The following XKR4 variants were observed in gnomAD, a reference collection of about 807,000 sequenced individuals.
The protein encoded by XKR4 is XK related 4.
In XKR4, 12 loss-of-function variants were observed where a neutral mutation model predicts 53.9. That is an observed-to-expected ratio of 0.22 (90% CI 0.14 to 0.36). XKR4 has a LOEUF of 0.36. Among genes scored for constraint, XKR4 ranks in the 10% least tolerant of loss-of-function variants. XKR4 has a pLI of 1.00. For missense variants in XKR4, 799 were observed against 859.5 expected (o/e 0.93, Z 0.88); for synonymous variants, 354 against 362.4 (o/e 0.98, Z 0.26).
intron 1 of XKR4, among the ~76,000 whole-genome samples, chr8:55,328,235 A>G (rs1407145280): frequency 6.6e-6 from 1 of 152,274 alleles, no homozygotes; most frequent in East Asian, 1.9e-4. Flanking sequence ...GTCAAACCAT[A>G]TCACTATTGA....
intron 2 of XKR4, among the ~76,000 whole-genome samples, chr8:55,463,253 A>T (rs982294899): frequency 2.0e-5 from 3 of 152,244 alleles, no homozygotes; most frequent in African/African-American, 7.2e-5. Context: ...AATGTAAAAG[A>T]ACACAAATTA....
intron 1 of XKR4, among the ~76,000 whole-genome samples, chr8:55,104,736 T>C (rs1447374458): frequency 4.7e-4 from 22 of 47,164 alleles, no homozygotes; most frequent in Admixed American, 4.6e-3. Flanking sequence ...GTCAGACAAA[T>C]TGATGTTGGA....
chr8:55,506,451 G>A lies in XKR4; in HGVS notation c.1007-16830G>A, dbSNP rs531511622. On this transcript the variant is annotated intron_variant, in intron 2 of 2. Transcript: ENST00000327381. ...TGATCAGTCACTACCCCCAGCAGCAGCACTGACTTCATGTATGCCTTCCTT... is the reference window on the plus strand; with the variant it reads ...TGATCAGTCACTACCCCCAGCAGCAACACTGACTTCATGTATGCCTTCCTT... 5.3e-5 allele frequency among the ~76,000 whole-genome samples: 8 copies of A among 152,344 alleles called. No individual in the cohort carries two copies. In the South Asian group the frequency reaches 1.7e-3, roughly 32 times the overall value.
intron 1 of XKR4, among the ~76,000 whole-genome samples, chr8:55,276,417 G>A (rs1041477704): frequency 6.6e-6 from 1 of 152,156 alleles, no homozygotes; most frequent in African/African-American, 2.4e-5. Flanking sequence ...TCAAGTAGTC[G>A]CTGTCAATAC....
chr8:55,305,755 C>T (rs1196028190), intron 1 of XKR4, among the ~76,000 whole-genome samples: 1 of 152,060 alleles, frequency 6.6e-6, no homozygotes, highest in Non-Finnish European at 1.5e-5. Flanking sequence ...AGTTCTCATT[C>T]CCAACCCACC....
intron 1 of XKR4, among the ~76,000 whole-genome samples, chr8:55,182,396 A>AT (rs1817323400): frequency 6.6e-6 from 1 of 152,008 alleles, no homozygotes; most frequent in South Asian, 2.1e-4. Flanking sequence ...GATAATACAG[A>AT]TTTTTCTACT....
At chr8:55,324,991 G>C (rs1312808679) in intron 1 of XKR4, among the ~76,000 whole-genome samples, 6 of 149,060 alleles carry the variant, frequency 4.0e-5, no homozygotes. Flanking sequence ...AATTCATTCA[G>C]TAAGAATTAA....
At chr8:55,301,104 C>A (rs1307599361) in intron 1 of XKR4, among the ~76,000 whole-genome samples, 2 of 151,284 alleles carry the variant, frequency 1.3e-5, no homozygotes, top group African/African-American at 4.9e-5. Flanking sequence ...ATTAACTGGT[C>A]ATTTAGCATT....
chr8:55,396,528 G>C (rs2129389340), intron 2 of XKR4, among the ~76,000 whole-genome samples: 1 of 150,056 alleles, frequency 6.7e-6, no homozygotes, highest in African/African-American at 2.5e-5. Flanking sequence ...CCCAAGGGAT[G>C]GGAGAGAAAA....
At chr8:55,176,950 T>G (rs1210564506) in intron 1 of XKR4, among the ~76,000 whole-genome samples, 1 of 151,946 alleles carries the variant, frequency 6.6e-6, no homozygotes, top group African/African-American at 2.4e-5. Context: ...ATCACAAAAG[T>G]ACCCCATATA....
intron 1 of XKR4, among the ~76,000 whole-genome samples, chr8:55,177,328 T>C (rs1446112298): frequency 6.6e-6 from 1 of 152,172 alleles, no homozygotes; most frequent in African/African-American, 2.4e-5. Flanking sequence ...TGAGCCACCA[T>C]GCCTGACCAC....
At chr8:55,337,915 T>G (rs1803485884) in intron 1 of XKR4, among the ~76,000 whole-genome samples, 1 of 152,242 alleles carries the variant, frequency 6.6e-6, no homozygotes, top group Non-Finnish European at 1.5e-5. Flanking sequence ...ATGTGACATT[T>G]GGTTACCTTG....
chr8:55,475,841 T>C (rs1805975472), intron 2 of XKR4, among the ~76,000 whole-genome samples: 1 of 151,868 alleles, frequency 6.6e-6, no homozygotes, highest in South Asian at 2.1e-4. Flanking sequence ...GACCTTGTGA[T>C]CCACCCTCCT....
At chr8:55,135,593 G>A (rs1275713641) in intron 1 of XKR4, 1 of 456,000 alleles carries the variant, frequency 2.2e-6, no homozygotes, top group Admixed American at 2.3e-5. Flanking sequence ...TGCTTTCTCT[G>A]TCATCGGAGC....
chr8:55,220,437 A>T (rs1018924260), intron 1 of XKR4, among the ~76,000 whole-genome samples: 1 of 152,234 alleles, frequency 6.6e-6, no homozygotes, highest in African/African-American at 2.4e-5. Context: ...ATAAATATTT[A>T]ATTTTCTTGA....
At chr8:55,404,632 T>A (rs921669612) in intron 2 of XKR4, among the ~76,000 whole-genome samples, 3 of 152,228 alleles carry the variant, frequency 2.0e-5, no homozygotes, top group Non-Finnish European at 4.4e-5. Flanking sequence ...CTATAAATAG[T>A]AAGTCCAACA....
intron 2 of XKR4, among the ~76,000 whole-genome samples, chr8:55,381,078 CA>C (rs775031726): frequency 6.6e-6 from 1 of 151,850 alleles, no homozygotes; most frequent in Non-Finnish European, 1.5e-5. Context: ...AGAGACTTGG[CA>C]ATATATACAT....
At chr8:55,370,157 C>A (rs1804052217) in intron 2 of XKR4, among the ~76,000 whole-genome samples, 1 of 152,192 alleles carries the variant, frequency 6.6e-6, no homozygotes, top group South Asian at 2.1e-4. Flanking sequence ...CTGCTGGATT[C>A]AAAGGCAAGC....
At chr8:55,511,325 A>T (rs1398956838) in intron 2 of XKR4, among the ~76,000 whole-genome samples, 2 of 152,180 alleles carry the variant, frequency 1.3e-5, no homozygotes, top group Non-Finnish European at 2.9e-5. Flanking sequence ...TCTGCCAGAA[A>T]TTATTTGCGG....
Sources: gnomAD v4.1 joint callset for allele counts (sites outside exome capture counted in the v4.1 genomes callset) on GRCh38, gnomAD v4.1.1 for gene constraint, MANE v1.5 for transcripts, NCBI Gene and HGNC (gene_info 2026-07-23, HGNC 2026-07-21) for gene names.